Variants in KCNQ5 observed in about 807,000 individuals in gnomAD.
KCNQ5 encodes the protein potassium voltage-gated channel subfamily KQT member 5.
In KCNQ5, 30 loss-of-function variants were observed where a neutral mutation model predicts 98.2. The observed-to-expected ratio is 0.31, with a 90% CI of 0.23 to 0.41. The LOEUF (loss-of-function observed/expected upper bound fraction) is 0.41, where lower values mean the gene tolerates loss of function less well. Among genes scored for constraint, KCNQ5 ranks in the 10% least tolerant of loss-of-function variants. KCNQ5 has a pLI of 1.00. For synonymous variants in KCNQ5, 458 were observed against 449.4 expected (o/e 1.02, Z -0.24); for missense variants, 835 against 1,182.5 (o/e 0.71, Z 4.31).
intron 1 of KCNQ5, among the ~76,000 whole-genome samples, chr6:72,635,907 A>G (rs2098923849): frequency 6.6e-6 from 1 of 151,960 alleles, no homozygotes; most frequent in Admixed American, 6.6e-5. Context: ...GAAAATGTGG[A>G]TTTTAGAAAT....
intron 7 of KCNQ5, among the ~76,000 whole-genome samples, chr6:73,114,555 T>C (rs911690825): frequency 7.9e-5 from 12 of 152,192 alleles, no homozygotes; most frequent in African/African-American, 2.9e-4. Flanking sequence ...CTCAGTAATG[T>C]TTTGAATACC....
At chr6:73,131,634 T>G (rs541706500) in intron 9 of KCNQ5, among the ~76,000 whole-genome samples, 2 of 152,110 alleles carry the variant, frequency 1.3e-5, no homozygotes, top group Admixed American at 6.5e-5. Flanking sequence ...TAGATATTTT[T>G]GGGCACCATC....
intron 1 of KCNQ5, among the ~76,000 whole-genome samples, chr6:72,672,907 A>T (rs770467153): frequency 3.9e-5 from 6 of 152,200 alleles, no homozygotes; most frequent in Non-Finnish European, 5.9e-5. Flanking sequence ...ATTTGTAGTG[A>T]TTATGCATGA....
chr6:73,038,061 T>C (rs1771519581), intron 2 of KCNQ5, among the ~76,000 whole-genome samples: 1 of 152,126 alleles, frequency 6.6e-6, no homozygotes. Flanking sequence ...TTATCTGCAT[T>C]TCATAATCTC....
chr6:72,825,082 G>A (rs918936750), intron 1 of KCNQ5, among the ~76,000 whole-genome samples: 2 of 151,766 alleles, frequency 1.3e-5, no homozygotes, highest in Admixed American at 1.3e-4. Flanking sequence ...CATCTGTCCT[G>A]AAACTGCCAG....
At chr6:72,784,882 G>C (rs773585080) in intron 1 of KCNQ5, among the ~76,000 whole-genome samples, 4 of 152,236 alleles carry the variant, frequency 2.6e-5, no homozygotes, top group Non-Finnish European at 4.4e-5. Context: ...CCAGAAGAGA[G>C]AAAGTGATGG....
intron 1 of KCNQ5, among the ~76,000 whole-genome samples, chr6:72,651,113 A>G (rs1765855186): frequency 6.6e-6 from 1 of 152,038 alleles, no homozygotes; most frequent in African/African-American, 2.4e-5. Flanking sequence ...TCTTGTTCTT[A>G]TATATTTGTT....
intron 1 of KCNQ5, among the ~76,000 whole-genome samples, chr6:72,715,609 T>C (rs772544102): frequency 5.3e-5 from 8 of 152,094 alleles, no homozygotes; most frequent in Non-Finnish European, 1.2e-4. Context: ...CCTTGGTCGC[T>C]CACTGAAACA....
intron 1 of KCNQ5, among the ~76,000 whole-genome samples, chr6:72,917,856 C>G (rs71573568): frequency 6.6e-6 from 1 of 152,110 alleles, no homozygotes; most frequent in African/African-American, 2.4e-5. Flanking sequence ...CCACTCCACC[C>G]TTCAAGTTAC....
chr6:72,940,129 C>A (rs983323290), intron 1 of KCNQ5, among the ~76,000 whole-genome samples: 1 of 152,150 alleles, frequency 6.6e-6, no homozygotes, highest in East Asian at 1.9e-4. Context: ...CTTGAACATT[C>A]TTTGATGTTC....
intron 1 of KCNQ5, among the ~76,000 whole-genome samples, chr6:72,838,561 C>G (rs1186382780): frequency 1.3e-5 from 2 of 152,246 alleles, no homozygotes; most frequent in East Asian, 3.9e-4. Context: ...TTACAGACCA[C>G]AAATTTGTGA....
chr6:73,073,787 T>G (rs1773401128), intron 3 of KCNQ5, among the ~76,000 whole-genome samples: 1 of 152,210 alleles, frequency 6.6e-6, no homozygotes, highest in Admixed American at 6.5e-5. Flanking sequence ...ATGTGTTATC[T>G]TCACTAAAAA....
chr6:73,004,300 T>C (rs1178677621), intron 2 of KCNQ5, among the ~76,000 whole-genome samples: 1 of 152,198 alleles, frequency 6.6e-6, no homozygotes, highest in African/African-American at 2.4e-5. Flanking sequence ...AATAAACAAA[T>C]TATATAAGAA....
At chr6:72,886,464 T>C (rs1778845715) in intron 1 of KCNQ5, among the ~76,000 whole-genome samples, 1 of 152,062 alleles carries the variant, frequency 6.6e-6, no homozygotes, top group African/African-American at 2.4e-5. Flanking sequence ...AGTTAAAAGG[T>C]ACATTTAATC....
intron 1 of KCNQ5, among the ~76,000 whole-genome samples, chr6:72,789,876 G>T (rs568428907): frequency 2.0e-5 from 3 of 152,084 alleles, no homozygotes; most frequent in African/African-American, 7.2e-5. Flanking sequence ...TTTGGAGGCC[G>T]AGTGGAAAGG....
chr6:73,077,253 A>G lies in KCNQ5; in HGVS notation c.617-69A>G, dbSNP rs1041273906. Reference sequence around the variant, plus strand: ...AAATAGGTCAAAGTGAACCTTTTGGAAATATTGTTTTGGTAAATAAAAATT... The same window carrying G: ...AAATAGGTCAAAGTGAACCTTTTGGGAATATTGTTTTGGTAAATAAAAATT... On this transcript the variant is annotated intron_variant, in intron 3 of 13. Transcript: ENST00000370398. 5.5e-6 allele frequency: 8 copies of G among 1,454,050 alleles called. No homozygotes were observed. The African/African-American group carries it at 1.1e-4, about 20-fold the overall frequency. 90.1% of individuals were successfully genotyped at this position (1,454,050 alleles called of 1,614,324 possible).
intron 1 of KCNQ5, among the ~76,000 whole-genome samples, chr6:72,764,899 C>T (rs1001079992): frequency 3.3e-5 from 5 of 151,982 alleles, no homozygotes; most frequent in African/African-American, 7.2e-5. Flanking sequence ...TGGCTTATTT[C>T]ACTTCACATA....
At chr6:72,629,092 A>G (rs911242535) in intron 1 of KCNQ5, among the ~76,000 whole-genome samples, 7 of 152,216 alleles carry the variant, frequency 4.6e-5, no homozygotes, top group African/African-American at 1.4e-4. Flanking sequence ...CTCCATGCAT[A>G]CATACTGATT....
chr6:72,912,877 C>G (rs573377342), intron 1 of KCNQ5, among the ~76,000 whole-genome samples: 12 of 152,170 alleles, frequency 7.9e-5, no homozygotes, highest in African/African-American at 2.9e-4. Context: ...TTATTAACTT[C>G]CTTTAAAAGG....
Sources: allele counts gnomAD v4.1 joint callset (sites outside exome capture counted in the v4.1 genomes callset), GRCh38; gene constraint gnomAD v4.1.1; transcripts MANE v1.5; gene names NCBI Gene and HGNC (gene_info 2026-07-23, HGNC 2026-07-21).